Variants in SCHIP1 observed in about 807,000 individuals in gnomAD.
SCHIP1 encodes the protein schwannomin-interacting protein 1.
SCHIP1 carries 8 observed loss-of-function variants against 29.7 expected under a neutral mutation model. The ratio of observed to expected loss-of-function variants is 0.27; its 90% CI spans 0.16 to 0.49. SCHIP1 has a LOEUF of 0.49. Ranked by LOEUF, SCHIP1 falls within the 20% of genes least tolerant of loss-of-function variation. The probability of loss-of-function intolerance (pLI) is 0.99; values close to 1 mark genes in which losing one functional copy is unlikely to be tolerated. For missense variants in SCHIP1, 193 were observed against 294.6 expected, an observed-to-expected ratio of 0.66 and a Z score of 2.52; for synonymous variants, 76 against 94.9, an observed-to-expected ratio of 0.80 and a Z score of 1.16.
At chr3:159,477,920 C>CTTTTTTTTTT in the SCHIP1 span, among the ~76,000 whole-genome samples, 2 of 98,302 alleles carry the variant, frequency 2.0e-5, no homozygotes, top group Non-Finnish European at 2.0e-5. Flanking sequence ...CATTTTAAAT[C>CTTTTTTTTTT]TTTTTTTTTT....
At chr3:159,312,761 G>T in the SCHIP1 span, among the ~76,000 whole-genome samples, 1 of 152,162 alleles carries the variant, frequency 6.6e-6, no homozygotes, top group East Asian at 1.9e-4. Context: ...CTTCAGAGGT[G>T]GCTTCTTACC....
chr3:159,345,186 C>T, the SCHIP1 span, among the ~76,000 whole-genome samples: 1 of 141,522 alleles, frequency 7.1e-6, no homozygotes, highest in Non-Finnish European at 1.5e-5. Flanking sequence ...AAGATCGTGA[C>T]ACTGCACTCC....
At chr3:159,860,785 A>G (rs927128702) in intron 1 of SCHIP1, among the ~76,000 whole-genome samples, 3 of 152,156 alleles carry the variant, frequency 2.0e-5, no homozygotes, top group Non-Finnish European at 4.4e-5. Context: ...CAAATCTTAC[A>G]TCTGCTTTTA....
chr3:159,592,656 C>T, the SCHIP1 span, among the ~76,000 whole-genome samples: 1 of 151,938 alleles, frequency 6.6e-6, no homozygotes, highest in Admixed American at 6.6e-5. Context: ...ATGTTTCTTT[C>T]TCTGTGAAAT....
the SCHIP1 span, among the ~76,000 whole-genome samples, chr3:159,770,151 A>G: frequency 6.6e-6 from 1 of 152,192 alleles, no homozygotes; most frequent in Admixed American, 6.5e-5. Context: ...ACTCTTGCTG[A>G]GTAGTGTTCC....
At chr3:159,387,253 G>T in the SCHIP1 span, 1 of 207,620 alleles carries the variant, frequency 4.8e-6, no homozygotes, top group Non-Finnish European at 1.0e-5. Context: ...GCCAGCAAGA[G>T]TCTGCTTTTG....
At chr3:159,627,584 G>A in the SCHIP1 span, among the ~76,000 whole-genome samples, 1 of 151,286 alleles carries the variant, frequency 6.6e-6, no homozygotes, top group African/African-American at 2.5e-5. Context: ...TTGCACCTAA[G>A]TCTATCTGGC....
At chr3:159,429,377 TG>T in the SCHIP1 span, among the ~76,000 whole-genome samples, 7 of 151,682 alleles carry the variant, frequency 4.6e-5, no homozygotes, top group Admixed American at 4.6e-4. Context: ...AGAGATGAGG[TG>T]GGGGTAAATC....
the SCHIP1 span, among the ~76,000 whole-genome samples, chr3:159,734,348 G>A: frequency 6.6e-6 from 1 of 151,686 alleles, no homozygotes; most frequent in African/African-American, 2.4e-5. Flanking sequence ...TTACCATGTG[G>A]TCAGGCTGGT....
At chr3:159,693,081 C>G in the SCHIP1 span, among the ~76,000 whole-genome samples, 1 of 151,996 alleles carries the variant, frequency 6.6e-6, no homozygotes, top group African/African-American at 2.4e-5. Flanking sequence ...AGACTGAAAC[C>G]TTTTTAAATC....
chr3:159,662,716 T>G, the SCHIP1 span, among the ~76,000 whole-genome samples: 1 of 152,200 alleles, frequency 6.6e-6, no homozygotes, highest in African/African-American at 2.4e-5. Flanking sequence ...GCCAAACCCA[T>G]TAACAATTGT....
chr3:159,759,548 C>CA, the SCHIP1 span, among the ~76,000 whole-genome samples: 8 of 152,296 alleles, frequency 5.3e-5, no homozygotes, highest in East Asian at 1.5e-3. Flanking sequence ...ACACTGTGAT[C>CA]AAGTGTCTGG....
At chr3:159,693,229 C>T in the SCHIP1 span, among the ~76,000 whole-genome samples, 1 of 152,070 alleles carries the variant, frequency 6.6e-6, no homozygotes, top group Non-Finnish European at 1.5e-5. Flanking sequence ...AAAAATAGTA[C>T]AATATATAAT....
the SCHIP1 span, among the ~76,000 whole-genome samples, chr3:159,759,655 G>C: frequency 6.6e-6 from 1 of 152,096 alleles, no homozygotes; most frequent in Non-Finnish European, 1.5e-5. Flanking sequence ...TACCCCACAG[G>C]GCTGTTAAAT....
At chr3:159,879,447 A>G (rs1385210622) in intron 2 of SCHIP1, among the ~76,000 whole-genome samples, 1 of 152,188 alleles carries the variant, frequency 6.6e-6, no homozygotes, top group Non-Finnish European at 1.5e-5. Context: ...TGCCTGCTTC[A>G]TGTGTATCTG....
chr3:159,637,416 CA>C, the SCHIP1 span, among the ~76,000 whole-genome samples: 2 of 142,650 alleles, frequency 1.4e-5, no homozygotes, highest in African/African-American at 5.8e-5. Flanking sequence ...CACACACACA[CA>C]CACACCTGAC....
In SCHIP1 at chr3:159,866,034, T is replaced by C. The variant is rs1714587790; in HGVS notation, c.31-129T>C. 5.0e-6 allele frequency: 4 copies of C among 797,630 alleles called. No individual in the cohort carries two copies. In the East Asian group the frequency reaches 1.0e-4, roughly 20 times the overall value. 49.4% of individuals were successfully genotyped at this position (797,630 alleles called of 1,614,324 possible). On this transcript the variant is annotated intron_variant, in intron 1 of 6. Transcript: ENST00000445224. ...TCAGCTTTTAATAATTCAAATACTC[T>C]TATGCCGCAGCCTATTTATTTGTTT...
the SCHIP1 span, among the ~76,000 whole-genome samples, chr3:159,376,631 G>GC: frequency 6.6e-6 from 1 of 152,122 alleles, no homozygotes; most frequent in South Asian, 2.1e-4. Flanking sequence ...ACCTGAATGG[G>GC]CACCTGTCAT....
the SCHIP1 span, among the ~76,000 whole-genome samples, chr3:159,598,096 C>T: frequency 6.6e-6 from 1 of 152,176 alleles, no homozygotes; most frequent in Non-Finnish European, 1.5e-5. Flanking sequence ...AATCACCTCC[C>T]ACAAGGTCCC....
Sources: gnomAD v4.1 joint callset for allele counts (sites outside exome capture counted in the v4.1 genomes callset) on GRCh38, gnomAD v4.1.1 for gene constraint, MANE v1.5 for transcripts, NCBI Gene and HGNC (gene_info 2026-07-23, HGNC 2026-07-21) for gene names.